Variants in PLCB1 observed in about 807,000 individuals in gnomAD.
PLCB1 encodes phospholipase C beta 1.
Under a neutral mutation model 161.8 loss-of-function variants are expected in PLCB1, and 46 were observed. The ratio of observed to expected loss-of-function variants is 0.28; its 90% CI spans 0.22 to 0.36. The LOEUF (loss-of-function observed/expected upper bound fraction) is 0.36, where lower values mean the gene tolerates loss of function less well. PLCB1 is among the 10% of genes least tolerant of loss of function. The pLI is 1.00. For missense variants in PLCB1, 1,016 were observed against 1,472.5 expected (o/e 0.69, Z 5.07); for synonymous variants, 517 against 503.7 (o/e 1.03, Z -0.35).
intron 20 of PLCB1, among the ~76,000 whole-genome samples, chr20:8,738,318 C>T (rs1980688741): frequency 6.6e-6 from 1 of 152,162 alleles, no homozygotes; most frequent in African/African-American, 2.4e-5. Context: ...TAAAAGTGTT[C>T]CTATTTCTCC....
chr20:8,245,645 A>G (rs1015802728), intron 2 of PLCB1, among the ~76,000 whole-genome samples: 8 of 151,944 alleles, frequency 5.3e-5, no homozygotes, highest in Non-Finnish European at 1.0e-4. Context: ...CTCATCCATC[A>G]AAGGGAGATA....
intron 2 of PLCB1, among the ~76,000 whole-genome samples, chr20:8,297,911 A>G (rs1395711659): frequency 6.9e-6 from 1 of 144,122 alleles, no homozygotes; most frequent in Non-Finnish European, 1.5e-5. Flanking sequence ...TTTTTTTGCC[A>G]AAATCTTCAC....
chr20:8,608,660 C>A (rs1987822716), intron 3 of PLCB1, among the ~76,000 whole-genome samples: 1 of 152,016 alleles, frequency 6.6e-6, no homozygotes, highest in East Asian at 1.9e-4. Context: ...TAAAATGTTT[C>A]ATAAATGTGT....
At chr20:8,283,128 T>G (rs1409827149) in intron 2 of PLCB1, among the ~76,000 whole-genome samples, 1 of 152,314 alleles carries the variant, frequency 6.6e-6, no homozygotes, top group African/African-American at 2.4e-5. Context: ...AAGGATACTC[T>G]GGACATTCCC....
chr20:8,644,135 C>T (rs1446532657), intron 4 of PLCB1, among the ~76,000 whole-genome samples: 4 of 152,182 alleles, frequency 2.6e-5, no homozygotes, highest in Non-Finnish European at 5.9e-5. Context: ...GGCGTGATCT[C>T]GGCTCGCTAC....
intron 7 of PLCB1, chr20:8,652,325 A>G (rs1003545601): frequency 2.6e-5 from 4 of 152,176 alleles, no homozygotes; most frequent in African/African-American, 9.6e-5. Flanking sequence ...AAACTTTGAA[A>G]AATTATTATT....
chr20:8,302,755 C>T (rs1050900594), intron 2 of PLCB1, among the ~76,000 whole-genome samples: 1 of 151,878 alleles, frequency 6.6e-6, no homozygotes, highest in African/African-American at 2.4e-5. Context: ...CTTCATTTAT[C>T]TATATACAAA....
At chr20:8,375,107 T>C (rs1277940708) in intron 3 of PLCB1, among the ~76,000 whole-genome samples, 1 of 152,228 alleles carries the variant, frequency 6.6e-6, no homozygotes, top group African/African-American at 2.4e-5. Flanking sequence ...TTGCCAGTTT[T>C]AAAATTTCAC....
At chr20:8,602,686 A>G (rs1987628509) in intron 3 of PLCB1, among the ~76,000 whole-genome samples, 2 of 152,250 alleles carry the variant, frequency 1.3e-5, no homozygotes, top group Non-Finnish European at 2.9e-5. Flanking sequence ...GTTCTTGATG[A>G]TTTAGAAAAC....
At chr20:8,335,656 G>T (rs1407727157) in intron 2 of PLCB1, among the ~76,000 whole-genome samples, 1 of 152,116 alleles carries the variant, frequency 6.6e-6, no homozygotes, top group Middle Eastern at 3.2e-3. Context: ...CTTCCTTCAA[G>T]CATGATGCAC....
chr20:8,250,399 C>T (rs1297482256), intron 2 of PLCB1, among the ~76,000 whole-genome samples: 6 of 151,814 alleles, frequency 4.0e-5, no homozygotes, highest in Non-Finnish European at 5.9e-5. Flanking sequence ...TTACAATTTT[C>T]GCATCTATTT....
At chr20:8,723,767 G>A (rs1038411841) in intron 15 of PLCB1, among the ~76,000 whole-genome samples, 1 of 152,070 alleles carries the variant, frequency 6.6e-6, no homozygotes. Flanking sequence ...CTTGGGATTC[G>A]AAATCAGGCA....
intron 18 of PLCB1, among the ~76,000 whole-genome samples, chr20:8,731,197 ATTTATT>A (rs989285900): frequency 7.9e-5 from 12 of 151,886 alleles, no homozygotes; most frequent in African/African-American, 2.9e-4. Context: ...AAATCAATTA[ATTTATT>A]TTTATTGATA....
At chr20:8,845,092 C>A (rs1986643878) in intron 31 of PLCB1, among the ~76,000 whole-genome samples, 1 of 151,888 alleles carries the variant, frequency 6.6e-6, no homozygotes, top group African/African-American at 2.4e-5. Flanking sequence ...CCAACCTGGG[C>A]AATAGAGCAA....
rs183250748 is a variant in PLCB1, at chr20:8,531,872, T to G, written c.247-96422T>G. On this transcript the variant is annotated intron_variant, in intron 3 of 31. Transcript: ENST00000338037. ...AAAGTTTAGGACTCACAAATTTTTT[T>G]CAAGCAGAAATAATTTTGTTTCATA... is the stretch of plus-strand genomic sequence containing the variant. Among the ~76,000 whole-genome samples, 90 of 152,268 alleles carry G rather than the reference T, an allele frequency of 5.9e-4. 1 individual carries two copies. In the East Asian group the frequency reaches 0.016, roughly 27 times the overall value.
At chr20:8,275,421 A>G (rs189971066) in intron 2 of PLCB1, among the ~76,000 whole-genome samples, 1 of 152,300 alleles carries the variant, frequency 6.6e-6, no homozygotes, top group East Asian at 1.9e-4. Context: ...TACTCAGACT[A>G]GGGAAACTAC....
chr20:8,439,955 G>A (rs1980481160), intron 3 of PLCB1, among the ~76,000 whole-genome samples: 1 of 151,922 alleles, frequency 6.6e-6, no homozygotes, highest in African/African-American at 2.4e-5. Context: ...AGGATTTGTA[G>A]GCTTATATGT....
intron 3 of PLCB1, among the ~76,000 whole-genome samples, chr20:8,610,589 T>G (rs1284744225): frequency 6.6e-6 from 1 of 152,182 alleles, no homozygotes; most frequent in African/African-American, 2.4e-5. Flanking sequence ...CATTTTACCT[T>G]CCCACCAGCA....
chr20:8,490,132 T>C (rs973228522), intron 3 of PLCB1, among the ~76,000 whole-genome samples: 4 of 152,318 alleles, frequency 2.6e-5, no homozygotes, highest in Non-Finnish European at 5.9e-5. Flanking sequence ...TCACTGAGCC[T>C]CTCTCTTCAA....
Sources: allele counts gnomAD v4.1 joint callset (sites outside exome capture counted in the v4.1 genomes callset), GRCh38; gene constraint gnomAD v4.1.1; transcripts MANE v1.5; gene names NCBI Gene and HGNC (gene_info 2026-07-23, HGNC 2026-07-21).